TMEM178B: variants seen among roughly 807,000 people sequenced by gnomAD.
The protein encoded by TMEM178B is transmembrane protein 178B.
A neutral mutation model predicts 31.0 loss-of-function variants in TMEM178B; 5 were observed. The ratio of observed to expected loss-of-function variants is 0.16; its 90% CI spans 0.08 to 0.34. The LOEUF is 0.34. Ranked by LOEUF, TMEM178B falls within the 10% of genes least tolerant of loss-of-function variation. TMEM178B has a pLI of 1.00. For synonymous variants in TMEM178B, 164 were observed against 164.0 expected (o/e 1.00, Z 0.00); for missense variants, 275 against 400.3 (o/e 0.69, Z 2.67).
At chr7:141,365,375 G>C (rs1235717045) in intron 2 of TMEM178B, among the ~76,000 whole-genome samples, 2 of 152,236 alleles carry the variant, frequency 1.3e-5, no homozygotes, top group East Asian at 3.8e-4. Flanking sequence ...CCCTCGCAGT[G>C]TGCTGTGAGA....
chr7:141,418,239 C>G (rs925301084), intron 2 of TMEM178B, among the ~76,000 whole-genome samples: 15 of 152,206 alleles, frequency 9.9e-5, no homozygotes, highest in African/African-American at 3.6e-4. Flanking sequence ...CCTCTTCTCT[C>G]CAGCCAGGCT....
rs552359091 is a variant in TMEM178B, at chr7:141,215,784, T to C, written c.496+3080T>C. 4.4e-3 allele frequency among the ~76,000 whole-genome samples: 235 copies of C among 53,272 alleles called. 1 individual carries two copies. The highest frequency in any genetic ancestry group is 0.019 in the African/African-American group (228 of 11,842). The allele number at this position is 53,272 out of a possible 152,430, so 34.9% of individuals were successfully genotyped here. On this transcript the variant is annotated intron_variant, in intron 2 of 3. Coordinates refer to ENST00000565468, the MANE Select transcript of TMEM178B (RefSeq NM_001195278.2). ...ATTTGAATTATATACTTTCCTTTCT[T>C]TCTTTCTTTCTTTCTTTCTTTCTTT...
Position 141,219,247 on chromosome 7 carries a change from C to T in TMEM178B, c.496+6543C>T, listed in dbSNP as rs28465425. Among the ~76,000 whole-genome samples the T allele has an allele frequency of 3.0e-3, 464 of 152,268 alleles. 1 individual carries two copies. The highest frequency in any genetic ancestry group is 0.01 in the African/African-American group (428 of 41,558). On this transcript the variant is annotated intron_variant, in intron 2 of 3. Transcript: ENST00000565468. Reference sequence around the variant, plus strand: ...GAATCCGAGGGTGAGGGCTCAGAATCCAGGCCTGAGCTCCAGTAGGGTCCC... The same window carrying T: ...GAATCCGAGGGTGAGGGCTCAGAATTCAGGCCTGAGCTCCAGTAGGGTCCC...
chr7:141,398,289 C>G (rs767951838), intron 2 of TMEM178B, among the ~76,000 whole-genome samples: 7 of 152,194 alleles, frequency 4.6e-5, no homozygotes, highest in African/African-American at 7.2e-5. Context: ...AAAGGAGAAG[C>G]CTTTTTCATG....
chr7:141,447,629 A>G (rs1801784625), intron 3 of TMEM178B, among the ~76,000 whole-genome samples: 1 of 151,966 alleles, frequency 6.6e-6, no homozygotes, highest in Non-Finnish European at 1.5e-5. Flanking sequence ...TGTGACTTTT[A>G]TCAACCTCTC....
intron 1 of TMEM178B, among the ~76,000 whole-genome samples, chr7:141,094,416 A>G (rs1403009381): frequency 6.6e-6 from 1 of 152,172 alleles, no homozygotes; most frequent in African/African-American, 2.4e-5. Context: ...AGAAAGCAGG[A>G]TTGGAAAGTG....
At chr7:141,159,566 C>A (rs568085008) in intron 1 of TMEM178B, among the ~76,000 whole-genome samples, 4 of 152,218 alleles carry the variant, frequency 2.6e-5, no homozygotes, top group Non-Finnish European at 4.4e-5. Context: ...CACCGACAGA[C>A]AAATGGATAA....
At chr7:141,390,414 A>G (rs1034490656) in intron 2 of TMEM178B, among the ~76,000 whole-genome samples, 7 of 152,226 alleles carry the variant, frequency 4.6e-5, no homozygotes, top group African/African-American at 1.7e-4. Flanking sequence ...CCTATTTCAC[A>G]AAAACATTTT....
intron 1 of TMEM178B, among the ~76,000 whole-genome samples, chr7:141,112,584 C>G (rs980767677): frequency 6.6e-6 from 1 of 152,212 alleles, no homozygotes; most frequent in African/African-American, 2.4e-5. Context: ...TAGAATTTAA[C>G]AATCTGTTAA....
intron 2 of TMEM178B, among the ~76,000 whole-genome samples, chr7:141,399,681 A>G (rs1800724636): frequency 1.3e-5 from 2 of 152,260 alleles, no homozygotes; most frequent in Admixed American, 6.5e-5. Context: ...AAGATGGTTT[A>G]TGGGCATCAT....
At chr7:141,407,892 A>G (rs1800913370) in intron 2 of TMEM178B, among the ~76,000 whole-genome samples, 1 of 152,224 alleles carries the variant, frequency 6.6e-6, no homozygotes, top group African/African-American at 2.4e-5. Context: ...GTCAGTAGTA[A>G]CTAACATGTA....
At chr7:141,100,265 A>G (rs1795033241) in intron 1 of TMEM178B, among the ~76,000 whole-genome samples, 1 of 150,896 alleles carries the variant, frequency 6.6e-6, no homozygotes, top group Non-Finnish European at 1.5e-5. Context: ...TGGGCCACGT[A>G]TTCTATAATA....
At chr7:141,132,799 A>G (rs113815377) in intron 1 of TMEM178B, among the ~76,000 whole-genome samples, 48 of 152,244 alleles carry the variant, frequency 3.2e-4, no homozygotes, top group African/African-American at 1.0e-3. Context: ...ACTTGCTACC[A>G]CCAGTGCCCA....
intron 2 of TMEM178B, among the ~76,000 whole-genome samples, chr7:141,395,243 A>G (rs1800615971): frequency 6.6e-6 from 1 of 152,074 alleles, no homozygotes; most frequent in African/African-American, 2.4e-5. Context: ...AGAATTTCCA[A>G]ACCTGGGCAA....
In TMEM178B at chr7:141,148,443, G is replaced by A. The variant is rs1456016127; in HGVS notation, c.383-64148G>A. On this transcript the variant is annotated intron_variant, in intron 1 of 3. Coordinates refer to ENST00000565468, the MANE Select transcript of TMEM178B (RefSeq NM_001195278.2). ...ATTAAAGGCACAGACAGAGGAAGAA[G>A]AGTGTGCAAAGTAGGCAGGGAAGTT... 3.9e-5 allele frequency among the ~76,000 whole-genome samples: 6 copies of A among 152,206 alleles called. No individual in the cohort carries two copies. In the East Asian group the frequency reaches 1.2e-3, roughly 29 times the overall value.
chr7:141,502,746 G>A, the TMEM178B span, among the ~76,000 whole-genome samples: 1 of 148,696 alleles, frequency 6.7e-6, no homozygotes, highest in South Asian at 2.1e-4. Flanking sequence ...CTCCAGCCTG[G>A]GCAACAAGAG....
At chr7:141,486,681 C>T in the TMEM178B span, among the ~76,000 whole-genome samples, 254 of 152,286 alleles carry the variant, frequency 1.7e-3, 1 homozygote, top group Admixed American at 3.1e-3. Flanking sequence ...AAAGAACAAA[C>T]ACTACTTATA....
intron 1 of TMEM178B, among the ~76,000 whole-genome samples, chr7:141,129,226 G>A (rs1336852784): frequency 6.6e-6 from 1 of 152,168 alleles, no homozygotes; most frequent in Non-Finnish European, 1.5e-5. Context: ...TGGATTGAAT[G>A]AATGAACTAT....
chr7:141,470,861 AAATC>A lies in TMEM178B; in HGVS notation c.*78_*81del. 2.3e-6 allele frequency: 2 copies of A among 884,946 alleles called. No homozygotes were observed. Among genetic ancestry groups the A allele is most frequent in the African/African-American group, 3.6e-5 (2 of 55,958 alleles). The allele number at this position is 884,946 out of a possible 1,614,324, so 54.8% of individuals were successfully genotyped here. On this transcript the variant is annotated 3_prime_UTR_variant, in exon 4 of 4. Transcript: ENST00000565468. ...TACATATATAAAACAAAACAAAACT[AAATC>A]AAGACGATGCCAGTGCCAAGGTAGA...
Sources: gnomAD v4.1 joint callset for allele counts (sites outside exome capture counted in the v4.1 genomes callset) on GRCh38, gnomAD v4.1.1 for gene constraint, MANE v1.5 for transcripts, NCBI Gene and HGNC (gene_info 2026-07-23, HGNC 2026-07-21) for gene names.